Variants in PHF8 observed in about 807,000 individuals in gnomAD.
The protein encoded by PHF8 is histone lysine demethylase PHF8.
A neutral mutation model predicts 74.4 loss-of-function variants in PHF8; 9 were observed. The observed-to-expected ratio is 0.12, with a 90% confidence interval of 0.07 to 0.21. PHF8 has a LOEUF of 0.21. Among genes scored for constraint, PHF8 ranks in the 10% least tolerant of loss-of-function variants. The pLI is 1.00. For synonymous variants in PHF8, 311 were observed against 316.6 expected (o/e 0.98, Z 0.19); for missense variants, 478 against 816.6 (o/e 0.59, Z 5.05).
At chrX:53,977,709 C>T (rs1477877383) in intron 18 of PHF8, among the ~76,000 whole-genome samples, 1 of 105,836 alleles carries the variant, frequency 9.4e-6, no homozygotes, top group African/African-American at 3.5e-5. Flanking sequence ...TGCAGTGGTG[C>T]GATCTCGGCT....
upstream of PHF8, chrX:54,045,047 C>T (rs2066621668): frequency 4.0e-6 from 2 of 499,821 alleles, no homozygotes; most frequent in African/African-American, 4.7e-5. Context: ...ACCTTGTGCC[C>T]TGTGCTACCC....
upstream of PHF8, among the ~76,000 whole-genome samples, chrX:54,045,884 C>T (rs1321241158): frequency 9.0e-6 from 1 of 110,794 alleles, no homozygotes; most frequent in African/African-American, 3.3e-5. Flanking sequence ...AAAGAAAACA[C>T]AGGTTTTTGA....
chrX:53,938,703 G>A lies in PHF8; in HGVS notation c.*455C>T, dbSNP rs1487566295. The A allele has an allele frequency of 2.6e-6, 2 of 758,307 alleles. No homozygotes were observed. The highest frequency in any genetic ancestry group is 1.6e-6 in the Non-Finnish European group (1 of 643,233). The allele number at this position is 758,307 out of a possible 1,213,427, so 62.5% of individuals were successfully genotyped here. On this transcript the variant is annotated 3_prime_UTR_variant, in exon 22 of 22. Coordinates refer to ENST00000338154, the MANE Select transcript of PHF8 (RefSeq NM_015107.3). ...GCATGTCCACTGGACTGGGGAAATG[G>A]GGCAAACAGAATGGGTGGAGGTGGG... is the stretch of plus-strand genomic sequence containing the variant.
intron 4 of PHF8, 50 bp from the exon 5 acceptor site, chrX:54,017,871 G>A (rs1428412394): frequency 8.8e-6 from 10 of 1,136,666 alleles, no homozygotes; most frequent in Non-Finnish European, 1.2e-5. Flanking sequence ...GCCCACTAAA[G>A]GCCTTATTGG....
rs1557106700 is a variant in PHF8, at chrX:54,011,301, T to C, written c.784-17A>G. The C allele has an allele frequency of 4.2e-6, 5 of 1,196,066 alleles. No individual in the cohort carries two copies. The highest frequency in any genetic ancestry group is 1.7e-5 in the African/African-American group (1 of 57,176). Reference sequence around the variant, plus strand: ...CTTTTCACCCTGAAACAAAAAGAGGTTGAAGTGACAAAAATACCAAGGGTT... The same window carrying C: ...CTTTTCACCCTGAAACAAAAAGAGGCTGAAGTGACAAAAATACCAAGGGTT... On this transcript the variant is annotated splice_polypyrimidine_tract_variant and intron_variant, in intron 7 of 21. Coordinates refer to ENST00000338154, the MANE Select transcript of PHF8 (RefSeq NM_015107.3).
At chrX:54,043,255 AC>A in intron 1 of PHF8, 1 of 312,621 alleles carries the variant, frequency 3.2e-6, no homozygotes, top group African/African-American at 2.8e-5. Flanking sequence ...CCCTCCTCTC[AC>A]CACCTGAAAT....
At chrX:53,995,662 T>C (rs2149841998) in intron 12 of PHF8, 31 bp downstream of exon 12, 1 of 989,289 alleles carries the variant, frequency 1.0e-6, no homozygotes, top group East Asian at 3.0e-5. Context: ...CCTTTCCAAA[T>C]GCCTTTTCTT....
intron 13 of PHF8, 89 bp from the exon 14 acceptor site, chrX:53,992,928 T>A: frequency 1.6e-6 from 1 of 631,553 alleles, no homozygotes; most frequent in African/African-American, 2.2e-5. Flanking sequence ...CTGGTTCAGT[T>A]CACTGTCAAA....
chrX:53,970,634 C>T (rs781954394), intron 18 of PHF8, among the ~76,000 whole-genome samples: 3 of 110,868 alleles, frequency 2.7e-5, no homozygotes, highest in Non-Finnish European at 3.8e-5. Context: ...AAGCTCAAAA[C>T]GAAGGGATGG....
At chrX:54,029,009 C>T (rs967320590) in intron 2 of PHF8, among the ~76,000 whole-genome samples, 11 of 112,250 alleles carry the variant, frequency 9.8e-5, no homozygotes, top group African/African-American at 3.6e-4. Context: ...AGCAAATGAA[C>T]TAAATATATA....
In PHF8 at chrX:53,938,175, C is replaced by T. The variant is rs934500916; in HGVS notation, c.*983G>A. On this transcript the variant is annotated 3_prime_UTR_variant, in exon 22 of 22. Transcript: ENST00000338154. Reference sequence around the variant, plus strand: ...CCCGATGGAGGACCCAGGTGTGGGCCGTCCCGCCACACCCTCCATAATGTC... The same window carrying T: ...CCCGATGGAGGACCCAGGTGTGGGCTGTCCCGCCACACCCTCCATAATGTC... 10 of 1,097,718 alleles carry T rather than the reference C, an allele frequency of 9.1e-6. No homozygotes were observed. The highest frequency in any genetic ancestry group is 1.2e-5 in the Non-Finnish European group (10 of 841,080). The allele number at this position is 1,097,718 out of a possible 1,213,427, so 90.5% of individuals were successfully genotyped here. A position where few individuals can be genotyped will look rare whatever the true frequency, so the allele number is the denominator to read the frequency against.
intron 8 of PHF8, among the ~76,000 whole-genome samples, chrX:54,008,251 C>T (rs782001909): frequency 6.4e-5 from 7 of 109,637 alleles, no homozygotes; most frequent in South Asian, 8.0e-4. Flanking sequence ...CCTGTAGTCC[C>T]GGCTATGCGG....
chrX:53,993,897 A>C lies in PHF8; in HGVS notation c.1330T>G (p.Phe444Val), dbSNP rs1418872192. ...CTCGTCTTCCCAACGTTCTGTTGGAAGATGTCCTACAAGAGTGTTAGTACA... is the reference window on the plus strand; with the variant it reads ...CTCGTCTTCCCAACGTTCTGTTGGACGATGTCCTACAAGAGTGTTAGTACA... ...AREIRLVEDI[F>V]QQNVGKTSNI... The change falls in exon 13 of 22, where the codon TTC becomes GTC. Residue 444 changes from phenylalanine to valine, a missense_variant. By Grantham distance (50) the Phe-to-Val change is conservative. This residue lies in a region of PHF8 where 153 missense variants were observed against 164.8 expected (regional missense o/e 0.93). Coordinates refer to ENST00000338154, the MANE Select transcript of PHF8 (RefSeq NM_015107.3). 8.4e-7 allele frequency: 1 copy of C among 1,194,854 alleles called. No homozygotes were observed. The highest frequency in any genetic ancestry group is 1.8e-5 in the African/African-American group (1 of 57,007).
chrX:54,001,022 C>A (rs1366756373), intron 10 of PHF8, among the ~76,000 whole-genome samples: 1 of 112,645 alleles, frequency 8.9e-6, no homozygotes, highest in Non-Finnish European at 1.9e-5. Flanking sequence ...TCCATTTATA[C>A]AATATTTTTG....
intron 2 of PHF8, among the ~76,000 whole-genome samples, chrX:54,042,272 G>A (rs1052305954): frequency 1.9e-5 from 2 of 106,051 alleles, no homozygotes; most frequent in East Asian, 3.0e-4. Context: ...TTGCACTCCA[G>A]CCTGGGCAAC....
At chrX:53,961,709 G>A (rs143833830) in intron 19 of PHF8, among the ~76,000 whole-genome samples, 1,145 of 110,608 alleles carry the variant, frequency 0.01, 15 homozygotes, top group African/African-American at 0.035. Context: ...TCACCCCCTC[G>A]ACCTCAAGCA....
rs1557083166 is a variant in PHF8, at chrX:53,940,428, A to G, written c.2738T>C (p.Leu913Pro). ...VEQPRPQDSN[L>P]SLTVPAPTVA... ...AGTGGGGGCTGGTACTGTCAGACTG[A>G]GATTGGAGTCTTGAGGGCGAGGCTG... The change falls in exon 21 of 22, where the codon CTC becomes CCC. Residue 913 changes from leucine (L) to proline (P), a missense_variant. By Grantham distance (98) the Leu-to-Pro change is moderately conservative. Around this residue, in one of 9 missense-constraint regions of PHF8, gnomAD observed 75 missense variants for 93.3 expected, o/e 0.80. Coordinates refer to ENST00000338154, the MANE Select transcript of PHF8 (RefSeq NM_015107.3). The G allele has an allele frequency of 2.5e-6, 3 of 1,208,217 alleles. No individual in the cohort carries two copies. The Admixed American group carries it at 6.5e-5, about 26-fold the overall frequency.
chrX:53,965,135 C>A (rs1337131526), intron 18 of PHF8, among the ~76,000 whole-genome samples: 3 of 107,691 alleles, frequency 2.8e-5, no homozygotes, highest in Non-Finnish European at 5.8e-5. Flanking sequence ...TGTTTTTTAC[C>A]AAAAAAAAAG....
At chrX:54,015,027 C>T (rs2066039938) in intron 6 of PHF8, among the ~76,000 whole-genome samples, 1 of 112,000 alleles carries the variant, frequency 8.9e-6, no homozygotes, top group Admixed American at 9.5e-5. Flanking sequence ...ATACTGCACT[C>T]CTCTCTTTGT....
Sources: allele counts gnomAD v4.1 joint callset (sites outside exome capture counted in the v4.1 genomes callset), GRCh38; gene constraint gnomAD v4.1.1; regional missense constraint gnomAD v4.1.1; transcripts MANE v1.5; gene names NCBI Gene and HGNC (gene_info 2026-07-23, HGNC 2026-07-21).